PCDHGB7: variants seen among roughly 807,000 people sequenced by gnomAD.
PCDHGB7 encodes the protein protocadherin gamma-B7.
In PCDHGB7, 37 loss-of-function variants were observed where a neutral mutation model predicts 61.4. The observed-to-expected ratio is 0.60, with a 90% CI of 0.46 to 0.79. The LOEUF is 0.79. Ranked by LOEUF, PCDHGB7 falls within the 30% of genes least tolerant of loss-of-function variation. The pLI, the probability that PCDHGB7 is intolerant of heterozygous loss-of-function variation, is 0.00. For synonymous variants in PCDHGB7, 464 were observed against 503.5 expected, an observed-to-expected ratio of 0.92 and a Z score of 1.05; for missense variants, 1,166 against 1,202.5, an observed-to-expected ratio of 0.97 and a Z score of 0.45.
intron 1 of PCDHGB7, chr5:141,441,801 G>A (rs954094882): frequency 7.8e-6 from 3 of 384,492 alleles, no homozygotes; most frequent in African/African-American, 4.4e-5. Flanking sequence ...CGCACCGCGG[G>A]TGCTGTACCC....
chr5:141,487,304 C>T lies in PCDHGB7; in HGVS notation c.2416-7503C>T. The T allele has an allele frequency of 6.2e-7, 1 of 1,614,190 alleles. No homozygotes were observed. The highest frequency in any genetic ancestry group is 8.5e-7 in the Non-Finnish European group (1 of 1,180,042). On this transcript the variant is annotated intron_variant, in intron 1 of 3. Transcript: ENST00000398594. This position sits in a 1 kb window ranked among gnomAD's most constrained non-coding sequence, Gnocchi z 5.0. ...TGTCTCCTTTGGCTCATTCGTGGCA[C>T]TACTCTCTAAGTGTCTTCGTGGGGC...
chr5:141,427,881 C>A, intron 1 of PCDHGB7: 1 of 1,563,720 alleles, frequency 6.4e-7, no homozygotes, highest in African/African-American at 1.3e-5. Context: ...GATGCAGGCC[C>A]ACGACCAGGG....
At chr5:141,422,721 G>A in intron 1 of PCDHGB7, 1 of 1,605,664 alleles carries the variant, frequency 6.2e-7, no homozygotes, top group East Asian at 2.2e-5. Flanking sequence ...ACACTGTCCA[G>A]GGGGTGCCTC....
At position 141,476,418 on chromosome 5, in the gene PCDHGB7, T is replaced by G. The variant is rs201255025; in HGVS notation, c.2416-18389T>G. ...GATCGAGAGGAGCTGTGTGGGACAC[T>G]GCCCTCTTGCACTGTAACTCTGGAG... On this transcript the variant is annotated intron_variant, in intron 1 of 3. Transcript: ENST00000398594. This position sits in a 1 kb window ranked among gnomAD's most constrained non-coding sequence, Gnocchi z 7.6. 8 of 1,614,122 alleles carry G rather than the reference T, an allele frequency of 5.0e-6. No homozygotes were observed. The highest frequency in any genetic ancestry group is 1.6e-4 in the Middle Eastern group (1 of 6,062).
At chr5:141,455,330 G>T (rs2098819667) in intron 1 of PCDHGB7, among the ~76,000 whole-genome samples, 1 of 152,042 alleles carries the variant, frequency 6.6e-6, no homozygotes, top group South Asian at 2.1e-4. Context: ...GTGTGTTTGT[G>T]GTTTTAAGGA....
chr5:141,433,408 A>T lies in PCDHGB7; in HGVS notation c.2415+13134A>T, dbSNP rs1052180455. On this transcript the variant is annotated intron_variant, in intron 1 of 3. Coordinates refer to ENST00000398594, the MANE Select transcript of PCDHGB7 (RefSeq NM_018927.4). Reference sequence around the variant, plus strand: ...CTATCTATCTATCTATCTATCTATTACTTTCTTGTACAGACAGGAGTCTCA... The same window carrying T: ...CTATCTATCTATCTATCTATCTATTTCTTTCTTGTACAGACAGGAGTCTCA... 4.2e-3 allele frequency among the ~76,000 whole-genome samples: 537 copies of T among 127,344 alleles called. 4 individuals carry two copies. The highest frequency in any genetic ancestry group is 0.015 in the African/African-American group (523 of 34,010). 83.5% of individuals were successfully genotyped at this position (127,344 alleles called of 152,430 possible). A position where few individuals can be genotyped will look rare whatever the true frequency, so the allele number is the denominator to read the frequency against.
intron 1 of PCDHGB7, among the ~76,000 whole-genome samples, chr5:141,436,793 C>A (rs752376420): frequency 6.6e-6 from 1 of 152,178 alleles, no homozygotes; most frequent in Non-Finnish European, 1.5e-5. Context: ...TAAAACTGTT[C>A]TAAAATTTTT....
chr5:141,449,804 T>C (rs991937787), intron 1 of PCDHGB7, among the ~76,000 whole-genome samples: 2 of 151,676 alleles, frequency 1.3e-5, no homozygotes, highest in Non-Finnish European at 2.9e-5. Flanking sequence ...AAATACCTCA[T>C]TGTGTATTTC....
intron 1 of PCDHGB7, chr5:141,423,454 G>C (rs1323921797): frequency 1.9e-6 from 3 of 1,614,030 alleles, no homozygotes; most frequent in Non-Finnish European, 2.5e-6. Context: ...ACATTTTGTA[G>C]GCGTGGACGG....
At chr5:141,483,801 C>CT (rs1486591615) in intron 1 of PCDHGB7, among the ~76,000 whole-genome samples, 8 of 152,168 alleles carry the variant, frequency 5.3e-5, no homozygotes, top group Non-Finnish European at 8.8e-5. Flanking sequence ...GTTGTTGCTG[C>CT]TTTTTTTGGC....
chr5:141,418,081 C>T lies in PCDHGB7; in HGVS notation c.222C>T (p.His74=), dbSNP rs190197904. Residue 74 remains histidine, a synonymous_variant, in exon 1 of 4, where the codon CAC becomes CAT. Transcript: ENST00000398594. ...RELRVSAEKL[H]FSVDAQSGDL... Reference sequence around the variant, plus strand: ...TGCGAGTGAGCGCGGAGAAGCTGCACTTCAGCGTAGACGCGCAGAGCGGGG... The same window carrying T: ...TGCGAGTGAGCGCGGAGAAGCTGCATTTCAGCGTAGACGCGCAGAGCGGGG... 331 of 1,614,072 alleles carry T rather than the reference C, an allele frequency of 2.1e-4. 3 individuals are homozygous for T. The African/African-American group carries it at 4.0e-3, about 19-fold the overall frequency.
Position 141,490,743 on chromosome 5 carries a change from C to T in PCDHGB7, c.2416-4064C>T, listed in dbSNP as rs1011278142. 7.4e-6 allele frequency: 12 copies of T among 1,614,058 alleles called. No homozygotes were observed. The highest frequency in any genetic ancestry group is 1.0e-5 in the Non-Finnish European group (12 of 1,180,038). On this transcript the variant is annotated intron_variant, in intron 1 of 3. Transcript: ENST00000398594. This position sits in a 1 kb window ranked among gnomAD's most constrained non-coding sequence, Gnocchi z 5.4. ...TTGTAGGAAATCAGGTTCAGGGAGC[C>T]CCAGCCTCCTCCTTTGTGTATGTCA...
chr5:141,471,717 C>T (rs1196344901), intron 1 of PCDHGB7, among the ~76,000 whole-genome samples: 1 of 152,022 alleles, frequency 6.6e-6, no homozygotes, highest in Non-Finnish European at 1.5e-5. Flanking sequence ...GTGCCACTTA[C>T]CAGGTAAGGA....
In PCDHGB7 at chr5:141,485,111, G is replaced by C. The variant is rs2099607127; in HGVS notation, c.2416-9696G>C. On this transcript the variant is annotated intron_variant, in intron 1 of 3. Coordinates refer to ENST00000398594, the MANE Select transcript of PCDHGB7 (RefSeq NM_018927.4). The surrounding 1 kb of genome is among the most constrained non-coding windows in gnomAD (Gnocchi z 5.7). The stretch of plus-strand genomic sequence containing the variant: ...ATAGGTGTCTCCAGCTGCTGTGGCT[G>C]TTTGGGGCGGGTCGGCTTCATCCGC... 5.4e-6 allele frequency: 7 copies of C among 1,287,562 alleles called. No individual in the cohort carries two copies. The highest frequency in any genetic ancestry group is 7.8e-6 in the Non-Finnish European group (7 of 899,436). 79.8% of individuals were successfully genotyped at this position (1,287,562 alleles called of 1,614,324 possible). A position where few individuals can be genotyped will look rare whatever the true frequency, so the allele number is the denominator to read the frequency against.
chr5:141,478,454 A>T, intron 1 of PCDHGB7: 1 of 1,613,596 alleles, frequency 6.2e-7, no homozygotes. Flanking sequence ...TGGTGCAGCC[A>T]GTCCACTGGC....
In PCDHGB7 at chr5:141,486,574, C is replaced by T. The variant is rs1435813800; in HGVS notation, c.2416-8233C>T. On this transcript the variant is annotated intron_variant, in intron 1 of 3. Transcript: ENST00000398594. This position sits in a 1 kb window ranked among gnomAD's most constrained non-coding sequence, Gnocchi z 5.0. ...CACATGAGGTGTTTGTTCCTGAGAACAATCGCCCAGGGGACCTGCTTTGCT... is the reference window on the plus strand; with the variant it reads ...CACATGAGGTGTTTGTTCCTGAGAATAATCGCCCAGGGGACCTGCTTTGCT... The T allele has an allele frequency of 1.9e-6, 3 of 1,613,868 alleles. No homozygotes were observed. Among genetic ancestry groups the T allele is most frequent in the Non-Finnish European group, 2.5e-6 (3 of 1,180,002 alleles).
At position 141,418,987 on chromosome 5, in the gene PCDHGB7, A is replaced by T. The variant is rs1244429131; in HGVS notation, c.1128A>T (p.Ser376=). Residue 376 remains serine (S), a synonymous_variant, in exon 1 of 4, where the codon TCA becomes TCT. Transcript: ENST00000398594. ...VALFKTRDQD[S]GENGEVRCSL... The stretch of plus-strand genomic sequence containing the variant: ...TCTTCAAAACACGGGACCAAGACTC[A>T]GGGGAAAATGGGGAAGTCAGGTGTA... 2 of 1,613,856 alleles carry T rather than the reference A, an allele frequency of 1.2e-6. No homozygotes were observed. The highest frequency in any genetic ancestry group is 1.7e-6 in the Non-Finnish European group (2 of 1,179,884).
At chr5:141,428,293 C>G (rs1278634119) in intron 1 of PCDHGB7, 1 of 716,436 alleles carries the variant, frequency 1.4e-6, no homozygotes, top group South Asian at 1.6e-5. Flanking sequence ...AGCAAAGCTG[C>G]AGATTTACCT....
At chr5:141,454,697 T>A (rs768850161) in intron 1 of PCDHGB7, among the ~76,000 whole-genome samples, 14 of 150,312 alleles carry the variant, frequency 9.3e-5, no homozygotes, top group African/African-American at 3.4e-4. Flanking sequence ...TGAGCCACCA[T>A]GCTCCACCTG....
Sources: allele counts gnomAD v4.1 joint callset (sites outside exome capture counted in the v4.1 genomes callset), GRCh38; gene constraint gnomAD v4.1.1; non-coding constraint Gnocchi (gnomAD v3.1); transcripts MANE v1.5; gene names NCBI Gene and HGNC (gene_info 2026-07-23, HGNC 2026-07-21).